NCAM1: variants seen among roughly 807,000 people sequenced by gnomAD.
NCAM1 encodes neural cell adhesion molecule 1.
A neutral mutation model predicts 109.8 loss-of-function variants in NCAM1; 14 were observed. The ratio of observed to expected loss-of-function variants is 0.13; its 90% CI spans 0.08 to 0.20. NCAM1 has a LOEUF of 0.20. Among genes scored for constraint, NCAM1 ranks in the 10% least tolerant of loss-of-function variants. The pLI is 1.00. For synonymous variants in NCAM1, 418 were observed against 442.9 expected (o/e 0.94, Z 0.70); for missense variants, 774 against 1,109.9 (o/e 0.70, Z 4.30).
At chr11:113,066,676 G>C (rs1937973912) in intron 1 of NCAM1, among the ~76,000 whole-genome samples, 1 of 152,106 alleles carries the variant, frequency 6.6e-6, no homozygotes, top group Admixed American at 6.5e-5. Flanking sequence ...TGAGAAATGT[G>C]AAGCCCTTTT....
chr11:113,250,923 G>C (rs1233794496), intron 15 of NCAM1, among the ~76,000 whole-genome samples: 3 of 152,198 alleles, frequency 2.0e-5, no homozygotes, highest in Non-Finnish European at 4.4e-5. Flanking sequence ...TCAGCCTCCT[G>C]CGTAGCTGGG....
chr11:113,062,438 T>C (rs1330404962), intron 1 of NCAM1, among the ~76,000 whole-genome samples: 2 of 152,218 alleles, frequency 1.3e-5, no homozygotes, highest in African/African-American at 4.8e-5. Flanking sequence ...TTCTGGGCGC[T>C]GGATCTACAG....
chr11:113,102,320 A>G (rs916207255), intron 1 of NCAM1, among the ~76,000 whole-genome samples: 3 of 152,218 alleles, frequency 2.0e-5, no homozygotes, highest in African/African-American at 2.4e-5. Context: ...GCTTTCACAC[A>G]CTATGCACAT....
chr11:113,091,678 T>C (rs1303602181), intron 1 of NCAM1, among the ~76,000 whole-genome samples: 1 of 152,206 alleles, frequency 6.6e-6, no homozygotes, highest in Non-Finnish European at 1.5e-5. Context: ...TTAGTGCTGC[T>C]GGTTCTTAAA....
At chr11:113,099,271 G>A (rs1481680132) in intron 1 of NCAM1, among the ~76,000 whole-genome samples, 1 of 152,122 alleles carries the variant, frequency 6.6e-6, no homozygotes, top group Non-Finnish European at 1.5e-5. Flanking sequence ...GGATAGATAA[G>A]ACCTTAGAGA....
intron 1 of NCAM1, among the ~76,000 whole-genome samples, chr11:113,071,795 G>C (rs1309196256): frequency 1.3e-5 from 2 of 152,158 alleles, no homozygotes; most frequent in Non-Finnish European, 2.9e-5. Flanking sequence ...CTTTGTTGGC[G>C]GTAGGCAAAC....
chr11:113,006,273 T>C (rs1205741343), intron 1 of NCAM1, among the ~76,000 whole-genome samples: 2 of 152,192 alleles, frequency 1.3e-5, no homozygotes, highest in East Asian at 3.9e-4. Flanking sequence ...GCCTTTTTGA[T>C]TGACTGCTGC....
chr11:113,051,330 T>C (rs1268179906), intron 1 of NCAM1, among the ~76,000 whole-genome samples: 1 of 152,224 alleles, frequency 6.6e-6, no homozygotes, highest in African/African-American at 2.4e-5. Flanking sequence ...AGTTTCTTTT[T>C]TCCCCCAACA....
chr11:113,205,554 A>T lies in NCAM1; in HGVS notation c.378A>T (p.Pro126=). 6.2e-7 allele frequency: 1 copy of T among 1,613,664 alleles called. No homozygotes were observed. The part of the protein sequence containing the change: ...QKLMFKNAPT[P]QEFREGEDAV... ...TCATGTTCAAGAATGCGCCAACCCC[A>T]CAGGAGTTCCGGGAGGGGGAAGATG... Residue 126 remains proline (P), a synonymous_variant, in exon 4 of 20, where the codon CCA becomes CCT. Coordinates refer to ENST00000316851, the MANE Select transcript of NCAM1 (RefSeq NM_181351.5).
intron 1 of NCAM1, among the ~76,000 whole-genome samples, chr11:113,186,213 G>A (rs1943504347): frequency 6.6e-6 from 1 of 152,216 alleles, no homozygotes; most frequent in Non-Finnish European, 1.5e-5. Flanking sequence ...CAGGAGGTGA[G>A]CAGTGGGCCA....
intron 1 of NCAM1, among the ~76,000 whole-genome samples, chr11:113,172,457 C>T (rs1248513783): frequency 6.6e-6 from 1 of 152,222 alleles, no homozygotes; most frequent in African/African-American, 2.4e-5. Flanking sequence ...ACAGTGGATT[C>T]CGTAAGTACT....
intron 1 of NCAM1, among the ~76,000 whole-genome samples, chr11:112,989,755 G>A (rs1951408539): frequency 6.6e-6 from 1 of 151,870 alleles, no homozygotes; most frequent in African/African-American, 2.4e-5. Context: ...GTCTTTTTTT[G>A]GAAAGAGTTT....
At chr11:112,978,022 T>C (rs1322689617) in intron 1 of NCAM1, among the ~76,000 whole-genome samples, 1 of 151,874 alleles carries the variant, frequency 6.6e-6, no homozygotes, top group East Asian at 1.9e-4. Context: ...GGCCACTGCA[T>C]TGCATGTGGT....
At chr11:113,264,876 C>G (rs1946103001) in intron 17 of NCAM1, 1 of 985,522 alleles carries the variant, frequency 1.0e-6, no homozygotes, top group Non-Finnish European at 1.2e-6. Context: ...CATACCCACT[C>G]CCCACGGACA....
chr11:113,112,383 T>C (rs1940484187), intron 1 of NCAM1, among the ~76,000 whole-genome samples: 1 of 152,174 alleles, frequency 6.6e-6, no homozygotes, highest in Non-Finnish European at 1.5e-5. Context: ...TGGCAGAAAA[T>C]AAAATTGATT....
intron 1 of NCAM1, among the ~76,000 whole-genome samples, chr11:113,154,162 T>C (rs1397727230): frequency 6.6e-6 from 1 of 152,248 alleles, no homozygotes; most frequent in Non-Finnish European, 1.5e-5. Flanking sequence ...CCAGCCAAAG[T>C]TATAACCTTA....
At chr11:113,112,461 C>T (rs1940487650) in intron 1 of NCAM1, among the ~76,000 whole-genome samples, 1 of 152,152 alleles carries the variant, frequency 6.6e-6, no homozygotes, top group Non-Finnish European at 1.5e-5. Context: ...AGATGACTTC[C>T]CAGGCTAATG....
At chr11:113,121,537 C>CAAAAAAA (rs3051887) in intron 1 of NCAM1, among the ~76,000 whole-genome samples, 34 of 92,268 alleles carry the variant, frequency 3.7e-4, no homozygotes, top group Admixed American at 6.6e-4. Flanking sequence ...ACCAATCTTA[C>CAAAAAAA]AAAAAAAAAA....
At chr11:112,997,743 C>A (rs60249257) in intron 1 of NCAM1, among the ~76,000 whole-genome samples, 20,742 of 152,160 alleles carry the variant, frequency 0.14, 1,463 homozygotes, top group African/African-American at 0.15. Context: ...GAATATCTCT[C>A]ATAAGAACTG....
Sources: allele counts gnomAD v4.1 joint callset (sites outside exome capture counted in the v4.1 genomes callset), GRCh38; gene constraint gnomAD v4.1.1; transcripts MANE v1.5; gene names NCBI Gene and HGNC (gene_info 2026-07-23, HGNC 2026-07-21).